The following CNOT9 variants were observed in gnomAD, a reference collection of about 807,000 sequenced individuals.
The protein encoded by CNOT9 is CCR4-NOT transcription complex subunit 9.
In CNOT9, 8 loss-of-function variants were observed where a neutral mutation model predicts 37.4. The observed-to-expected ratio is 0.21, with a 90% confidence interval of 0.13 to 0.39. The LOEUF is 0.39. Ranked by LOEUF, CNOT9 falls within the 10% of genes least tolerant of loss-of-function variation. The probability of loss-of-function intolerance (pLI) is 1.00; values close to 1 mark genes in which losing one functional copy is unlikely to be tolerated. For synonymous variants in CNOT9, 120 were observed against 137.6 expected (o/e 0.87, Z 0.90); for missense variants, 154 against 365.3 (o/e 0.42, Z 4.71).
chr2:218,583,583 T>G (rs1330583450), intron 3 of CNOT9, among the ~76,000 whole-genome samples: 1 of 152,200 alleles, frequency 6.6e-6, no homozygotes. Context: ...TTGCCACCTG[T>G]CATATCTAAA....
intron 1 of CNOT9, among the ~76,000 whole-genome samples, 173 bp from the exon 2 acceptor site, chr2:218,580,388 T>C (rs1242398160): frequency 6.6e-6 from 1 of 152,230 alleles, no homozygotes; most frequent in Non-Finnish European, 1.5e-5. Flanking sequence ...GTGTGCATTT[T>C]AGATTTTCAT....
intron 1 of CNOT9, 36 bp downstream of exon 1, chr2:218,569,014 C>T (rs1256067949): frequency 3.1e-6 from 5 of 1,609,746 alleles, no homozygotes; most frequent in Non-Finnish European, 3.4e-6. Context: ...GAACCAGAAT[C>T]CTTTCTCAGA....
chr2:218,585,208 A>G (rs1283593004), intron 4 of CNOT9, among the ~76,000 whole-genome samples: 1 of 145,400 alleles, frequency 6.9e-6, no homozygotes, highest in South Asian at 2.3e-4. Flanking sequence ...GGGCACAGGC[A>G]CACACCACTG....
chr2:218,571,738 A>ATTTTTTTTT (rs34883423), intron 1 of CNOT9, among the ~76,000 whole-genome samples: 1 of 122,826 alleles, frequency 8.1e-6, no homozygotes, highest in Non-Finnish European at 1.7e-5. Flanking sequence ...CGCCTGGCTA[A>ATTTTTTTTT]TTTTTTTTTT....
intron 4 of CNOT9, among the ~76,000 whole-genome samples, chr2:218,586,094 G>A (rs1265229515): frequency 1.3e-5 from 2 of 152,176 alleles, no homozygotes; most frequent in South Asian, 2.1e-4. Flanking sequence ...ATTGATTGGT[G>A]TATCAATGAT....
chr2:218,581,931 A>T (rs2106087625), intron 2 of CNOT9, among the ~76,000 whole-genome samples: 1 of 151,880 alleles, frequency 6.6e-6, no homozygotes, highest in South Asian at 2.1e-4. Flanking sequence ...AAAATACAAA[A>T]ATTAGCCAGG....
intron 5 of CNOT9, among the ~76,000 whole-genome samples, chr2:218,587,904 A>G (rs1183282703): frequency 6.6e-6 from 1 of 152,202 alleles, no homozygotes; most frequent in African/African-American, 2.4e-5. Context: ...CCAAACCCAC[A>G]TCTCACTCCA....
At chr2:218,575,577 G>A (rs999806880) in intron 1 of CNOT9, among the ~76,000 whole-genome samples, 5 of 151,692 alleles carry the variant, frequency 3.3e-5, no homozygotes, top group African/African-American at 7.3e-5. Flanking sequence ...TAATTTTTTT[G>A]TAGTTTTAGT....
At chr2:218,582,908 A>G (rs1445762984) in intron 2 of CNOT9, 63 bp from the exon 3 acceptor site, 1 of 815,196 alleles carries the variant, frequency 1.2e-6, no homozygotes, top group South Asian at 1.7e-5. Flanking sequence ...TTTTTGCTTT[A>G]TTACCATGGG....
intron 2 of CNOT9, chr2:218,581,137 GAA>G (rs34214861): frequency 0.6 from 171,314 of 284,886 alleles, 52,973 homozygotes; most frequent in East Asian, 0.77. Context: ...CTATGGAAAA[GAA>G]ATGGGTTTTT....
rs367701426 is a variant in CNOT9 at position 218,594,308 on chromosome 2, A to G, written c.*32A>G. 1.6e-5 allele frequency: 25 copies of G among 1,573,386 alleles called. No homozygotes were observed. Among genetic ancestry groups the G allele is most frequent in the African/African-American group, 1.4e-4 (10 of 73,920 alleles). On this transcript the variant is annotated 3_prime_UTR_variant, in exon 8 of 8. Transcript: ENST00000273064. The stretch of plus-strand genomic sequence containing the variant: ...CCTGTTCCCTCCCACTACTCCCCCA[A>G]GTTGGGGAAAGGAGGGGGAACCTAC...
intron 3 of CNOT9, among the ~76,000 whole-genome samples, chr2:218,583,350 A>G (rs1694482005): frequency 6.6e-6 from 1 of 151,852 alleles, no homozygotes; most frequent in Non-Finnish European, 1.5e-5. Flanking sequence ...TGTTCACATT[A>G]CAGGAAAGGT....
rs1694406863 is a variant in CNOT9, at chr2:218,582,092, A to T, written c.205-879A>T. Among the ~76,000 whole-genome samples, 14 of 49,924 alleles carry T rather than the reference A, an allele frequency of 2.8e-4. 1 individual carries two copies. The South Asian group carries it at 0.025, about 89-fold the overall frequency. The allele number at this position is 49,924 out of a possible 152,430, so 32.8% of individuals were successfully genotyped here. ...TGAGACCCTGTCTCAAAAAAAAAGAAAAAAAATGTAAATGGAATTGTATTG... is the reference window on the plus strand; with the variant it reads ...TGAGACCCTGTCTCAAAAAAAAAGATAAAAAATGTAAATGGAATTGTATTG... On this transcript the variant is annotated intron_variant, in intron 2 of 7. Coordinates refer to ENST00000273064, the MANE Select transcript of CNOT9 (RefSeq NM_005444.3).
chr2:218,594,371 A>G lies in CNOT9; in HGVS notation c.*95A>G, dbSNP rs1462588381. ...TCAGGTTTTATCACCGACTGGGAATAGACAACCTCAATGCTGAACCGCACT... is the reference window on the plus strand; with the variant it reads ...TCAGGTTTTATCACCGACTGGGAATGGACAACCTCAATGCTGAACCGCACT... On this transcript the variant is annotated 3_prime_UTR_variant, in exon 8 of 8. Coordinates refer to ENST00000273064, the MANE Select transcript of CNOT9 (RefSeq NM_005444.3). 3.7e-6 allele frequency: 5 copies of G among 1,354,390 alleles called. No individual in the cohort carries two copies. Among genetic ancestry groups the G allele is most frequent in the African/African-American group, 1.4e-5 (1 of 69,264 alleles). 83.9% of individuals were successfully genotyped at this position (1,354,390 alleles called of 1,614,324 possible). A position where few individuals can be genotyped will look rare whatever the true frequency, so the allele number is the denominator to read the frequency against.
chr2:218,587,423 CT>C, intron 4 of CNOT9, 162 bp from the exon 5 acceptor site: 1 of 1,275,886 alleles, frequency 7.8e-7, no homozygotes, highest in Non-Finnish European at 9.9e-7. Flanking sequence ...GCGCCGCCCT[CT>C]TCCTTTTTTT....
chr2:218,593,299 A>G (rs550109634), intron 7 of CNOT9, among the ~76,000 whole-genome samples: 2 of 152,290 alleles, frequency 1.3e-5, no homozygotes, highest in East Asian at 3.9e-4. Flanking sequence ...CTGGGAAGAG[A>G]GCTAGCTTGA....
At position 218,586,339 on chromosome 2, in the gene CNOT9, G is replaced by A. The variant is rs139794291; in HGVS notation, c.431-1247G>A. Among the ~76,000 whole-genome samples the A allele has an allele frequency of 6.6e-5, 10 of 152,250 alleles. No homozygotes were observed. In the East Asian group the frequency reaches 1.9e-3, roughly 29 times the overall value. On this transcript the variant is annotated intron_variant, in intron 4 of 7. Coordinates refer to ENST00000273064, the MANE Select transcript of CNOT9 (RefSeq NM_005444.3). ...TGAGGACATGGCCCTCATGAGGTTAGTATTCTTCTAAGAAGAGACACCAAA... is the reference window on the plus strand; with the variant it reads ...TGAGGACATGGCCCTCATGAGGTTAATATTCTTCTAAGAAGAGACACCAAA...
At chr2:218,591,172 C>T (rs993283384) in intron 5 of CNOT9, among the ~76,000 whole-genome samples, 2 of 152,138 alleles carry the variant, frequency 1.3e-5, no homozygotes, top group African/African-American at 4.8e-5. Flanking sequence ...AGCCATTATT[C>T]AGCCTACTAC....
rs925648917 is a variant in CNOT9, at chr2:218,592,155, T to C, written c.541-149T>C. 1 of 611,804 alleles carries C rather than the reference T, an allele frequency of 1.6e-6. No homozygotes were observed. The highest frequency in any genetic ancestry group is 2.8e-5 in the East Asian group (1 of 35,882). 37.9% of individuals were successfully genotyped at this position (611,804 alleles called of 1,614,324 possible). On this transcript the variant is annotated intron_variant, in intron 5 of 7. Coordinates refer to ENST00000273064, the MANE Select transcript of CNOT9 (RefSeq NM_005444.3). This position sits in a 1 kb window ranked among gnomAD's most constrained non-coding sequence, Gnocchi z 4.1. ...TGGTAATATTTATTATTCTTTGTACTATACATATATGATAAAGTTGTACAT... is the reference window on the plus strand; with the variant it reads ...TGGTAATATTTATTATTCTTTGTACCATACATATATGATAAAGTTGTACAT...
Sources: gnomAD v4.1 joint callset for allele counts (sites outside exome capture counted in the v4.1 genomes callset) on GRCh38, gnomAD v4.1.1 for gene constraint, Gnocchi (gnomAD v3.1) non-coding constraint, MANE v1.5 for transcripts, NCBI Gene and HGNC (gene_info 2026-07-23, HGNC 2026-07-21) for gene names.